Variants in CHID1 observed in about 807,000 individuals in gnomAD.
CHID1 encodes the protein chitinase domain-containing protein 1.
A neutral mutation model predicts 55.4 loss-of-function variants in CHID1; 44 were observed. The ratio of observed to expected loss-of-function variants is 0.79; its 90% CI spans 0.62 to 1.02. CHID1 has a LOEUF of 1.02. Ranked by LOEUF, CHID1 falls within the 50% of genes least tolerant of loss-of-function variation. CHID1 has a pLI of 0.00. For synonymous variants in CHID1, 216 were observed against 212.9 expected (o/e 1.01, Z -0.13); for missense variants, 491 against 515.3 (o/e 0.95, Z 0.46).
chr11:906,617 C>T lies in CHID1; in HGVS notation c.-43-1758G>A, dbSNP rs540426580. Among the ~76,000 whole-genome samples, 13 of 152,192 alleles carry T rather than the reference C, an allele frequency of 8.5e-5. No homozygotes were observed. The East Asian group carries it at 1.4e-3, about 16-fold the overall frequency. On this transcript the variant is annotated intron_variant, in intron 1 of 12. Coordinates refer to ENST00000323578, the MANE Select transcript of CHID1 (RefSeq NM_023947.4). ...AGGCACTGCCATGCTCGTGGTGTGCCGGTCAATGAAGACGCTACAAGACAG... is the reference window on the plus strand; with the variant it reads ...AGGCACTGCCATGCTCGTGGTGTGCTGGTCAATGAAGACGCTACAAGACAG...
intron 8 of CHID1, among the ~76,000 whole-genome samples, chr11:887,458 G>T (rs61869683): frequency 0.089 from 13,540 of 152,190 alleles, 690 homozygotes; most frequent in Middle Eastern, 0.18. Context: ...GCTCCTTTGT[G>T]GTGTCTTCTG....
rs951639776 is a variant in CHID1, at chr11:896,052, C to A, written c.609-2533G>T. On this transcript the variant is annotated intron_variant, in intron 7 of 12. Coordinates refer to ENST00000323578, the MANE Select transcript of CHID1 (RefSeq NM_023947.4). The stretch of plus-strand genomic sequence containing the variant: ...ACCCTGACGTTAATGACCCGTCGAG[C>A]CCTGACACAACGAGGCCGTCTCAGC... 2.0e-5 allele frequency among the ~76,000 whole-genome samples: 3 copies of A among 152,010 alleles called. No homozygotes were observed. In the South Asian group the frequency reaches 6.2e-4, roughly 31 times the overall value.
At chr11:913,189 C>CT (rs1329880518), upstream of CHID1, among the ~76,000 whole-genome samples, 1 of 149,376 alleles carries the variant, frequency 6.7e-6, no homozygotes, top group African/African-American at 2.5e-5. Flanking sequence ...AGGTTTCACT[C>CT]TGTCACCCAG....
intron 8 of CHID1, among the ~76,000 whole-genome samples, chr11:891,416 T>C (rs1272099619): frequency 6.6e-6 from 1 of 152,194 alleles, no homozygotes; most frequent in African/African-American, 2.4e-5. Flanking sequence ...CTTTGGTTGC[T>C]GTGGGGTGAG....
intron 10 of CHID1, among the ~76,000 whole-genome samples, chr11:872,679 T>G (rs1416824468): frequency 6.6e-6 from 1 of 152,266 alleles, no homozygotes; most frequent in African/African-American, 2.4e-5. Context: ...TACTGCATTA[T>G]CCTTAACTGA....
At chr11:912,746 A>G (rs1197895789), upstream of CHID1, among the ~76,000 whole-genome samples, 6 of 151,676 alleles carry the variant, frequency 4.0e-5, no homozygotes, top group Non-Finnish European at 7.4e-5. Context: ...TGGGAGGCTG[A>G]GACAGGAGAA....
intron 7 of CHID1, among the ~76,000 whole-genome samples, chr11:894,763 GGTTCCTCAGCCA>G (rs1249434067): frequency 6.6e-6 from 1 of 152,162 alleles, no homozygotes; most frequent in Non-Finnish European, 1.5e-5. Flanking sequence ...ACGAGGTGAC[GGTTCCTCAGCCA>G]GTACCCAGAG....
In CHID1 at chr11:869,396, G is replaced by T; in HGVS notation, c.*462C>A. 5.7e-6 allele frequency: 1 copy of T among 174,566 alleles called. No individual in the cohort carries two copies. The highest frequency in any genetic ancestry group is 1.2e-5 in the Non-Finnish European group (1 of 81,870). 10.8% of individuals were successfully genotyped at this position (174,566 alleles called of 1,614,324 possible). On this transcript the variant is annotated 3_prime_UTR_variant, in exon 13 of 13. Coordinates refer to ENST00000323578, the MANE Select transcript of CHID1 (RefSeq NM_023947.4). ...TGGCCAGGTGGGTGGCAGGTATGTG[G>T]GGGTGGAGCTCTCAGCTCTATCACT...
rs1848988475 is a variant in CHID1 at position 868,559 on chromosome 11, A to T, written c.*1299T>A. ...TGTCAAGCAGCAGCAGGGCGGTGGGAACGGCTGCACCTGCACTGTGGCAGC... is the reference window on the plus strand; with the variant it reads ...TGTCAAGCAGCAGCAGGGCGGTGGGTACGGCTGCACCTGCACTGTGGCAGC... On this transcript the variant is annotated 3_prime_UTR_variant, in exon 13 of 13. Transcript: ENST00000323578. 6.6e-6 allele frequency: 1 copy of T among 152,046 alleles called. No homozygotes were observed. Among genetic ancestry groups the T allele is most frequent in the South Asian group, 2.1e-4 (1 of 4,820 alleles). The allele number at this position is 152,046 out of a possible 1,614,324, so 9.4% of individuals were successfully genotyped here. A position where few individuals can be genotyped will look rare whatever the true frequency, so the allele number is the denominator to read the frequency against.
At chr11:870,348 C>T in intron 11 of CHID1, 71 bp downstream of exon 11, 1 of 1,395,786 alleles carries the variant, frequency 7.2e-7, no homozygotes, top group South Asian at 1.2e-5. Flanking sequence ...CCTGCTGCTC[C>T]CTCATCTCCA....
rs1418703921 is a variant in CHID1 at position 887,309 on chromosome 11, C to T, written c.702-3140G>A. ...TCCCCAAATGCTGGCATTACAGGCGCGTACCTCCACACGCAGCCCGTCGTT... is the reference window on the plus strand; with the variant it reads ...TCCCCAAATGCTGGCATTACAGGCGTGTACCTCCACACGCAGCCCGTCGTT... On this transcript the variant is annotated intron_variant, in intron 8 of 12. Transcript: ENST00000323578. Among the ~76,000 whole-genome samples the T allele has an allele frequency of 4.6e-5, 7 of 152,190 alleles. No homozygotes were observed. The South Asian group carries it at 8.3e-4, about 18-fold the overall frequency.
chr11:900,079 G>C lies in CHID1; in HGVS notation c.471C>G (p.Tyr157Ter), dbSNP rs764630801. 19 of 1,613,848 alleles carry C rather than the reference G, an allele frequency of 1.2e-5. No individual in the cohort carries two copies. The highest frequency in any genetic ancestry group is 1.7e-5 in the Admixed American group (1 of 60,008). Residue 157 changes from tyrosine to a stop codon, truncating the protein, a stop_gained, in exon 6 of 13, where the codon TAC becomes TAG. Coordinates refer to ENST00000323578, the MANE Select transcript of CHID1 (RefSeq NM_023947.4). LOFTEE classifies it high-confidence loss of function. ...VPRLLFEDWT[Y>*]DDFRNVLDSE... ...TGTCTAAGACGTTCCGGAAATCATC[G>C]TAAGTCCAGTCCTCAAACAGGAGCC...
At chr11:908,647 T>C in intron 1 of CHID1, 3 of 983,556 alleles carry the variant, frequency 3.1e-6, no homozygotes, top group Non-Finnish European at 3.6e-6. Flanking sequence ...GGTGGAAATC[T>C]GGGTCAGGGA....
chr11:877,591 T>C (rs1026577710), intron 10 of CHID1, among the ~76,000 whole-genome samples: 1 of 152,200 alleles, frequency 6.6e-6, no homozygotes, highest in Non-Finnish European at 1.5e-5. Flanking sequence ...GTGCAGTGAG[T>C]GAGCCCTAAC....
At chr11:882,980 T>C in intron 10 of CHID1, 168 bp downstream of exon 10, 1 of 683,862 alleles carries the variant, frequency 1.5e-6, no homozygotes, top group Non-Finnish European at 2.5e-6. Flanking sequence ...GGGGCTGCGG[T>C]GGGGTGGGCA....
chr11:883,408 G>T, intron 9 of CHID1, 105 bp from the exon 10 acceptor site: 1 of 1,176,206 alleles, frequency 8.5e-7, no homozygotes, highest in Non-Finnish European at 1.2e-6. Flanking sequence ...TGCTGCGGCT[G>T]ACACCTCTAG....
At chr11:878,429 G>T (rs1286516379) in intron 10 of CHID1, among the ~76,000 whole-genome samples, 1 of 151,886 alleles carries the variant, frequency 6.6e-6, no homozygotes, top group Non-Finnish European at 1.5e-5. Context: ...AACAAACCGT[G>T]GTGGCACATG....
At chr11:871,154 C>G (rs1036269815) in intron 10 of CHID1, among the ~76,000 whole-genome samples, 1 of 152,120 alleles carries the variant, frequency 6.6e-6, no homozygotes, top group Non-Finnish European at 1.5e-5. Flanking sequence ...CCATGCCCGA[C>G]TAATTTTTGT....
chr11:878,753 G>A (rs367702815), intron 10 of CHID1, among the ~76,000 whole-genome samples: 1 of 151,104 alleles, frequency 6.6e-6, no homozygotes, highest in Non-Finnish European at 1.5e-5. Flanking sequence ...CCAGGCTGGA[G>A]TGCAATGGCG....
Sources: allele counts gnomAD v4.1 joint callset (sites outside exome capture counted in the v4.1 genomes callset), GRCh38; gene constraint gnomAD v4.1.1; transcripts MANE v1.5; gene names NCBI Gene and HGNC (gene_info 2026-07-23, HGNC 2026-07-21).